Variants in CDH11 observed in about 807,000 individuals in gnomAD.
CDH11 encodes cadherin 11.
In CDH11, 11 loss-of-function variants were observed where a neutral mutation model predicts 67.8. The ratio of observed to expected loss-of-function variants is 0.16; its 90% CI spans 0.10 to 0.27. The LOEUF is 0.27. Ranked by LOEUF, CDH11 falls within the 10% of genes least tolerant of loss-of-function variation. The pLI is 1.00. For missense variants in CDH11, 847 were observed against 1,031.2 expected (o/e 0.82, Z 2.45); for synonymous variants, 419 against 400.0 (o/e 1.05, Z -0.57).
At chr16:64,958,079 C>T (rs1161599991) in intron 11 of CDH11, among the ~76,000 whole-genome samples, 1 of 152,178 alleles carries the variant, frequency 6.6e-6, no homozygotes, top group Non-Finnish European at 1.5e-5. Flanking sequence ...CATTTCACAG[C>T]CCATCGTGAC....
chr16:65,055,506 T>C (rs536493341), intron 1 of CDH11, among the ~76,000 whole-genome samples: 1 of 152,326 alleles, frequency 6.6e-6, no homozygotes, highest in Non-Finnish European at 1.5e-5. Context: ...ATCCTACACC[T>C]GTCCCACCAC....
chr16:65,079,079 C>T (rs1224402532), intron 1 of CDH11, among the ~76,000 whole-genome samples: 2 of 152,160 alleles, frequency 1.3e-5, no homozygotes, highest in Non-Finnish European at 2.9e-5. Flanking sequence ...CAAGGCATTG[C>T]AAACCCATTC....
intron 2 of CDH11, among the ~76,000 whole-genome samples, chr16:65,044,676 C>G (rs1045647972): frequency 1.3e-5 from 2 of 151,860 alleles, no homozygotes; most frequent in Non-Finnish European, 2.9e-5. Context: ...ATTGAGGTGT[C>G]AAGCATCACA....
At chr16:65,009,829 G>A (rs2073139255) in intron 2 of CDH11, among the ~76,000 whole-genome samples, 1 of 152,140 alleles carries the variant, frequency 6.6e-6, no homozygotes, top group African/African-American at 2.4e-5. Flanking sequence ...AACATGACAG[G>A]AAAATAGATG....
At chr16:64,963,645 T>G (rs959111389) in intron 11 of CDH11, among the ~76,000 whole-genome samples, 2 of 152,100 alleles carry the variant, frequency 1.3e-5, no homozygotes, top group African/African-American at 4.8e-5. Context: ...TCCCTACACC[T>G]AGTCATATCA....
chr16:65,040,055 A>C (rs1004671752), intron 2 of CDH11, among the ~76,000 whole-genome samples: 8 of 152,152 alleles, frequency 5.3e-5, no homozygotes, highest in Non-Finnish European at 1.2e-4. Context: ...AAGTCAGGAA[A>C]CAGGTGCTGG....
intron 1 of CDH11, among the ~76,000 whole-genome samples, chr16:65,101,547 C>T (rs982533416): frequency 6.6e-6 from 1 of 151,914 alleles, no homozygotes; most frequent in African/African-American, 2.4e-5. Flanking sequence ...TATTTTCCTT[C>T]TTCCTCCCTT....
intron 5 of CDH11, 83 bp downstream of exon 5, chr16:64,992,832 A>C: frequency 7.6e-7 from 1 of 1,323,300 alleles, no homozygotes; most frequent in Non-Finnish European, 1.1e-6. Context: ...TATTTGAGAA[A>C]ACAGAGTATT....
chr16:64,952,756 A>G (rs879516244), intron 11 of CDH11, among the ~76,000 whole-genome samples: 3 of 152,186 alleles, frequency 2.0e-5, no homozygotes, highest in Non-Finnish European at 4.4e-5. Context: ...CAATATGAAT[A>G]TTATGACTAG....
rs768648993 is a variant in CDH11 at position 64,998,650 on chromosome 16, G to A, written c.435C>T (p.Phe145=). The change falls in exon 4 of 13, where the codon TTC becomes TTT. Residue 145 remains phenylalanine, a synonymous_variant. Transcript: ENST00000268603. ...CATTAATGTCCTGGACCTTGACAATGAATTCCGACGGTGGCTCCAGTGGCC... is the reference window on the plus strand; with the variant it reads ...CATTAATGTCCTGGACCTTGACAATAAATTCCGACGGTGGCTCCAGTGGCC... ...TNRPLEPPSE[F]IVKVQDINDN... 6 of 1,614,114 alleles carry A rather than the reference G, an allele frequency of 3.7e-6. No homozygotes were observed. The highest frequency in any genetic ancestry group is 5.1e-6 in the Non-Finnish European group (6 of 1,180,020).
chr16:65,007,434 A>T (rs35180), intron 2 of CDH11, among the ~76,000 whole-genome samples: 1 of 152,078 alleles, frequency 6.6e-6, no homozygotes, highest in Non-Finnish European at 1.5e-5. Context: ...ATCATTTAAC[A>T]ACTTCATCCT....
intron 1 of CDH11, among the ~76,000 whole-genome samples, chr16:65,067,122 C>A (rs886872977): frequency 1.3e-5 from 2 of 151,750 alleles, no homozygotes; most frequent in Non-Finnish European, 2.9e-5. Context: ...CTACTTTATC[C>A]ATTCTATATG....
In CDH11 at chr16:64,945,662, G is replaced by A; in HGVS notation, c.*1941C>T. Reference sequence around the variant, plus strand: ...CTTCACTGAGATGAAAGATTCTAAAGTGACATTGTCCACAAAATGTATTCC... The same window carrying A: ...CTTCACTGAGATGAAAGATTCTAAAATGACATTGTCCACAAAATGTATTCC... On this transcript the variant is annotated 3_prime_UTR_variant, in exon 13 of 13. Coordinates refer to ENST00000268603, the MANE Select transcript of CDH11 (RefSeq NM_001797.4). 6 of 1,037,612 alleles carry A rather than the reference G, an allele frequency of 5.8e-6. No individual in the cohort carries two copies. Among genetic ancestry groups the A allele is most frequent in the Non-Finnish European group, 7.0e-6 (6 of 861,534 alleles). The allele number at this position is 1,037,612 out of a possible 1,614,324, so 64.3% of individuals were successfully genotyped here.
In CDH11 at chr16:65,003,280, C is replaced by T. The variant is rs183011909; in HGVS notation, c.228+1362G>A. Among the ~76,000 whole-genome samples the T allele has an allele frequency of 1.9e-3, 290 of 151,338 alleles. 1 individual carries two copies. The highest frequency in any genetic ancestry group is 6.6e-3 in the African/African-American group (272 of 41,196). On this transcript the variant is annotated intron_variant, in intron 3 of 12. Coordinates refer to ENST00000268603, the MANE Select transcript of CDH11 (RefSeq NM_001797.4). Reference sequence around the variant, plus strand: ...TTATTTATTCATTCATTTTTTGAGACAGAGTCTCACTCTGTCTCCCAGGCT... The same window carrying T: ...TTATTTATTCATTCATTTTTTGAGATAGAGTCTCACTCTGTCTCCCAGGCT...
At chr16:64,971,532 G>C (rs758715267) in intron 11 of CDH11, 47 bp downstream of exon 11, 15 of 1,115,452 alleles carry the variant, frequency 1.3e-5, no homozygotes, top group Non-Finnish European at 1.7e-5. Flanking sequence ...AACGCCATTT[G>C]TTTTCCAGTT....
intron 2 of CDH11, among the ~76,000 whole-genome samples, chr16:65,031,145 A>C (rs900364309): frequency 1.3e-5 from 2 of 152,230 alleles, no homozygotes; most frequent in Non-Finnish European, 2.9e-5. Context: ...ACGCTGGATT[A>C]GTGGGTAACT....
At chr16:64,974,858 G>C (rs2072119300) in intron 8 of CDH11, among the ~76,000 whole-genome samples, 1 of 152,192 alleles carries the variant, frequency 6.6e-6, no homozygotes, top group Non-Finnish European at 1.5e-5. Context: ...CAGAAATGAA[G>C]GGCATGAGTT....
At chr16:65,058,804 A>C (rs1038941800) in intron 1 of CDH11, among the ~76,000 whole-genome samples, 1 of 152,172 alleles carries the variant, frequency 6.6e-6, no homozygotes, top group Admixed American at 6.5e-5. Context: ...CAGTTTCCTC[A>C]CTATAAAATG....
intron 1 of CDH11, among the ~76,000 whole-genome samples, chr16:65,099,176 G>A (rs546676493): frequency 3.3e-5 from 5 of 152,174 alleles, no homozygotes; most frequent in Admixed American, 6.5e-5. Context: ...ACGGCTGTAC[G>A]ATAATAAATT....
Sources: allele counts gnomAD v4.1 joint callset (sites outside exome capture counted in the v4.1 genomes callset), GRCh38; gene constraint gnomAD v4.1.1; transcripts MANE v1.5; gene names NCBI Gene and HGNC (gene_info 2026-07-23, HGNC 2026-07-21).